PLXNA4: variants seen among roughly 807,000 people sequenced by gnomAD.
PLXNA4 encodes the protein plexin-A4.
Under a neutral mutation model 191.8 loss-of-function variants are expected in PLXNA4, and 44 were observed. The observed-to-expected ratio is 0.23, with a 90% confidence interval of 0.18 to 0.29. The LOEUF (loss-of-function observed/expected upper bound fraction) is 0.29, where lower values mean the gene tolerates loss of function less well. PLXNA4 is among the 10% of genes least tolerant of loss of function. The probability of loss-of-function intolerance (pLI) is 1.00; values close to 1 mark genes in which losing one functional copy is unlikely to be tolerated. For missense variants in PLXNA4, 1,800 were observed against 2,488.8 expected, an observed-to-expected ratio of 0.72 and a Z score of 5.89; for synonymous variants, 1,082 against 1,009.5, an observed-to-expected ratio of 1.07 and a Z score of -1.36.
chr7:132,308,322 C>A (rs1019117325), intron 3 of PLXNA4, among the ~76,000 whole-genome samples: 11 of 152,196 alleles, frequency 7.2e-5, no homozygotes, highest in South Asian at 4.1e-4. Flanking sequence ...CCCAGAGCCA[C>A]AACTTCTTTG....
intron 3 of PLXNA4, among the ~76,000 whole-genome samples, chr7:132,400,223 A>G (rs13244827): frequency 0.045 from 6,920 of 152,290 alleles, 203 homozygotes; most frequent in Non-Finnish European, 0.065. Flanking sequence ...GTTTCTTAAA[A>G]AAAGGAATTA....
chr7:132,583,220 G>A (rs1802440189), intron 2 of PLXNA4, among the ~76,000 whole-genome samples: 1 of 152,146 alleles, frequency 6.6e-6, no homozygotes, highest in Admixed American at 6.5e-5. Context: ...GGTTGAATGG[G>A]GCTCCAGGGT....
At chr7:132,275,837 T>C (rs1800256087) in intron 4 of PLXNA4, among the ~76,000 whole-genome samples, 1 of 152,198 alleles carries the variant, frequency 6.6e-6, no homozygotes, top group African/African-American at 2.4e-5. Context: ...TTTGCTCCCA[T>C]TTTCCCTCTC....
Position 132,298,075 on chromosome 7 carries a change from G to A in PLXNA4, c.1503+16C>T, listed in dbSNP as rs1454854344. On this transcript the variant is annotated intron_variant, in intron 4 of 31. Transcript: ENST00000321063. Reference sequence around the variant, plus strand: ...AACTGCAAGACAAATGTCTAGCGGAGCCCGAAGAGCCTTACCTGCCTCTCT... The same window carrying A: ...AACTGCAAGACAAATGTCTAGCGGAACCCGAAGAGCCTTACCTGCCTCTCT... 1 of 1,614,112 alleles carries A rather than the reference G, an allele frequency of 6.2e-7. No homozygotes were observed. The highest frequency in any genetic ancestry group is 1.7e-5 in the Admixed American group (1 of 60,022).
intron 3 of PLXNA4, among the ~76,000 whole-genome samples, chr7:132,313,079 T>C (rs865778640): frequency 4.3e-4 from 66 of 152,184 alleles, no homozygotes; most frequent in African/African-American, 1.5e-3. Context: ...AGCTGCCCCC[T>C]GGATGCACAT....
At chr7:132,188,961 A>G (rs146452557) in intron 14 of PLXNA4, among the ~76,000 whole-genome samples, 3,546 of 54,520 alleles carry the variant, frequency 0.065, 229 homozygotes, top group South Asian at 0.27. Flanking sequence ...GAGGAAAGGA[A>G]AGGAAAGGAA....
chr7:132,223,946 G>A (rs148089663), intron 8 of PLXNA4, among the ~76,000 whole-genome samples: 14 of 152,036 alleles, frequency 9.2e-5, no homozygotes, highest in Non-Finnish European at 1.5e-4. Context: ...GATAAGGTCT[G>A]GAGCAGAGGG....
At chr7:132,268,938 G>C (rs1334457525) in intron 4 of PLXNA4, among the ~76,000 whole-genome samples, 1 of 152,198 alleles carries the variant, frequency 6.6e-6, no homozygotes, top group Non-Finnish European at 1.5e-5. Flanking sequence ...TTCATTTAGG[G>C]CTGGTGAAAG....
chr7:132,609,422 C>T (rs780345024), intron 2 of PLXNA4, among the ~76,000 whole-genome samples: 1 of 152,132 alleles, frequency 6.6e-6, no homozygotes. Context: ...ACCACAAGAG[C>T]ATGTGGTTTG....
At chr7:132,528,274 C>T (rs1799485777) in intron 1 of PLXNA4, among the ~76,000 whole-genome samples, 1 of 152,166 alleles carries the variant, frequency 6.6e-6, no homozygotes, top group Non-Finnish European at 1.5e-5. Flanking sequence ...CGAGGCTTCT[C>T]CATGGTGCGG....
intron 3 of PLXNA4, among the ~76,000 whole-genome samples, chr7:132,315,665 T>C (rs984658478): frequency 2.0e-5 from 3 of 152,210 alleles, no homozygotes; most frequent in Non-Finnish European, 2.9e-5. Context: ...ATTCAAATGA[T>C]TGACTTCTGT....
rs1348686242 is a variant in PLXNA4, at chr7:132,145,116, C to T, written c.5225+3G>A. ...ATGTGCCCCCTGCCCTCCCTTCACT[C>T]ACCAATTGCTCTTCCAGGTATGGCG... On this transcript the variant is annotated splice_donor_region_variant and intron_variant, in intron 29 of 31. Transcript: ENST00000321063. 1.2e-6 allele frequency: 2 copies of T among 1,614,104 alleles called. No homozygotes were observed. The highest frequency in any genetic ancestry group is 1.3e-5 in the African/African-American group (1 of 75,050).
In PLXNA4 at chr7:132,140,616, G is replaced by A. The variant is rs914860093; in HGVS notation, c.5421C>T (p.Tyr1807=). Residue 1807 remains tyrosine, a synonymous_variant, in exon 30 of 32, where the codon TAC becomes TAT. Coordinates refer to ENST00000321063, the MANE Select transcript of PLXNA4 (RefSeq NM_020911.2). The part of the protein sequence containing the change: ...KLLYAKDIPS[Y]KNWVERYYSD... ...GCACTCACCTCTCCACCCAATTCTT[G>A]TAGCTGGGGATGTCCTTGGCATACA... is the stretch of plus-strand genomic sequence containing the variant. The A allele has an allele frequency of 2.5e-6, 4 of 1,613,944 alleles. No homozygotes were observed. The African/African-American group carries it at 4.0e-5, about 16-fold the overall frequency.
intron 3 of PLXNA4, among the ~76,000 whole-genome samples, chr7:132,312,901 T>C (rs1472003352): frequency 6.6e-6 from 1 of 152,196 alleles, no homozygotes; most frequent in African/African-American, 2.4e-5. Context: ...CCATGGCTAC[T>C]CACTGACCCA....
chr7:132,528,133 C>A (rs1225808661), intron 1 of PLXNA4, among the ~76,000 whole-genome samples: 2 of 152,170 alleles, frequency 1.3e-5, no homozygotes, highest in East Asian at 3.9e-4. Context: ...TTAACCAACT[C>A]GGGATGGTCG....
intron 3 of PLXNA4, among the ~76,000 whole-genome samples, chr7:132,321,613 C>T (rs766439532): frequency 2.6e-5 from 4 of 152,164 alleles, no homozygotes; most frequent in East Asian, 3.9e-4. Context: ...TTTGCCGTGT[C>T]GGTGCACATA....
chr7:132,391,089 C>T (rs1382221228), intron 3 of PLXNA4, among the ~76,000 whole-genome samples: 2 of 152,112 alleles, frequency 1.3e-5, no homozygotes, highest in East Asian at 1.9e-4. Flanking sequence ...TTCTGCTTCC[C>T]CTCAATGCCA....
chr7:132,385,956 TAAG>T (rs1805119166), intron 3 of PLXNA4, among the ~76,000 whole-genome samples: 1 of 152,250 alleles, frequency 6.6e-6, no homozygotes, highest in South Asian at 2.1e-4. Flanking sequence ...CCGAAGGATG[TAAG>T]AAGATCATTC....
chr7:132,503,258 G>T (rs1444077384), intron 2 of PLXNA4, among the ~76,000 whole-genome samples: 5 of 152,096 alleles, frequency 3.3e-5, no homozygotes, highest in Non-Finnish European at 5.9e-5. Context: ...ATTCCACAAT[G>T]CTTGGTATCC....
Sources: allele counts gnomAD v4.1 joint callset (sites outside exome capture counted in the v4.1 genomes callset), GRCh38; gene constraint gnomAD v4.1.1; transcripts MANE v1.5; gene names NCBI Gene and HGNC (gene_info 2026-07-23, HGNC 2026-07-21).